The following BRCA2 variants were observed in gnomAD, a reference collection of about 807,000 sequenced individuals.
BRCA2 encodes the protein BRCA2 DNA repair associated.
A neutral mutation model predicts 276.7 loss-of-function variants in BRCA2; 203 were observed. The observed-to-expected ratio is 0.73, with a 90% confidence interval of 0.65 to 0.82. The LOEUF (loss-of-function observed/expected upper bound fraction) is 0.82. BRCA2 is among the 40% of genes least tolerant of loss of function. The pLI is 0.00. For missense variants in BRCA2, 3,920 were observed against 3,915.0 expected, an observed-to-expected ratio of 1.00 and a Z score of -0.03; for synonymous variants, 1,289 against 1,338.4, an observed-to-expected ratio of 0.96 and a Z score of 0.81.
At chr13:32,394,089 C>T (rs183306397) in intron 24 of BRCA2, among the ~76,000 whole-genome samples, 1 of 152,282 alleles carries the variant, frequency 6.6e-6, no homozygotes, top group East Asian at 1.9e-4. Context: ...TTTAACTCAA[C>T]ACTGTCCTGG....
chr13:32,380,772 C>G (rs2072919789), intron 24 of BRCA2, among the ~76,000 whole-genome samples: 1 of 151,774 alleles, frequency 6.6e-6, no homozygotes, highest in South Asian at 2.1e-4. Flanking sequence ...AATCTCCTGA[C>G]CTCGTGATCT....
At position 32,398,954 on chromosome 13, in the gene BRCA2, T is replaced by G. The variant is rs2073060554; in HGVS notation, c.*184T>G. 1.5e-6 allele frequency: 1 copy of G among 686,826 alleles called. No homozygotes were observed. Among genetic ancestry groups the G allele is most frequent in the African/African-American group, 1.8e-5 (1 of 54,920 alleles). 42.5% of individuals were successfully genotyped at this position (686,826 alleles called of 1,614,324 possible). A position where few individuals can be genotyped will look rare whatever the true frequency, so the allele number is the denominator to read the frequency against. ...TTTGCCCGATTCCGTATTGGTATAC[T>G]TTTGCTTCAGTTGCATATCTTAAAA... On this transcript the variant is annotated 3_prime_UTR_variant, in exon 27 of 27. Coordinates refer to ENST00000380152, the MANE Select transcript of BRCA2 (RefSeq NM_000059.4).
intron 16 of BRCA2, among the ~76,000 whole-genome samples, chr13:32,358,704 G>T (rs2072718287): frequency 1.3e-5 from 2 of 151,326 alleles, no homozygotes; most frequent in African/African-American, 4.8e-5. Flanking sequence ...AGGCCAAGAT[G>T]GGCCAATTAC....
intron 21 of BRCA2, among the ~76,000 whole-genome samples, chr13:32,378,508 A>G (rs1263564324): frequency 6.6e-6 from 1 of 152,200 alleles, no homozygotes; most frequent in Non-Finnish European, 1.5e-5. Flanking sequence ...CACTGCCTGC[A>G]TATTTAGAAT....
intron 3 of BRCA2, among the ~76,000 whole-genome samples, chr13:32,322,317 C>G (rs1229598657): frequency 1.3e-5 from 2 of 152,172 alleles, no homozygotes; most frequent in African/African-American, 4.8e-5. Flanking sequence ...GACCCTAACC[C>G]AGCGGCACTA....
At chr13:32,366,393 A>T (rs1375550056) in intron 18 of BRCA2, among the ~76,000 whole-genome samples, 2 of 152,204 alleles carry the variant, frequency 1.3e-5, no homozygotes, top group East Asian at 3.9e-4. Context: ...TATGTGAGTA[A>T]TTATATGATT....
At chr13:32,354,268 A>G (rs182557643) in intron 13 of BRCA2, among the ~76,000 whole-genome samples, 201 of 152,292 alleles carry the variant, frequency 1.3e-3, no homozygotes, top group African/African-American at 4.7e-3. Context: ...TTTATTGAGT[A>G]GAGATTGAGG....
rs551817133 is a variant in BRCA2 at position 32,357,287 on chromosome 13, A to AGTT, written c.7618-455_7618-454insGTT. Among the ~76,000 whole-genome samples the AGTT allele has an allele frequency of 1.1e-4, 17 of 152,344 alleles. 1 individual carries two copies. In the East Asian group the frequency reaches 2.5e-3, roughly 22 times the overall value. On this transcript the variant is annotated intron_variant, in intron 15 of 26. Coordinates refer to ENST00000380152, the MANE Select transcript of BRCA2 (RefSeq NM_000059.4). ...GTCTGACTCCAGAGTCAAACTCTGAACAAACAAAAAGACACTTTGGGTTAG... is the reference window on the plus strand; with the variant it reads ...GTCTGACTCCAGAGTCAAACTCTGAAGTTCAAACAAAAAGACACTTTGGGTTAG...
chr13:32,390,505 G>T lies in BRCA2; in HGVS notation c.9257-4184G>T, dbSNP rs962633326. 3.9e-5 allele frequency among the ~76,000 whole-genome samples: 6 copies of T among 152,170 alleles called. No homozygotes were observed. In the South Asian group the frequency reaches 1.2e-3, roughly 32 times the overall value. On this transcript the variant is annotated intron_variant, in intron 24 of 26. Coordinates refer to ENST00000380152, the MANE Select transcript of BRCA2 (RefSeq NM_000059.4). ...GTACAAGTTCATATTCCTGATGCAT[G>T]ATAACATTTAATGCTTCCTACCTTT... is the stretch of plus-strand genomic sequence containing the variant.
chr13:32,394,890 G>T lies in BRCA2; in HGVS notation c.9458G>T (p.Gly3153Val), dbSNP rs80359220. 2 of 1,613,936 alleles carry T rather than the reference G, an allele frequency of 1.2e-6. No individual in the cohort carries two copies. Among genetic ancestry groups the T allele is most frequent in the Non-Finnish European group, 1.7e-6 (2 of 1,179,986 alleles). ...GTGTTTTCTGCTAGTCCAAAAGAGG[G>T]CCACTTTCAAGAGACATTCAACAAA... ...FSVFSASPKE[G>V]HFQETFNKMK... is the part of the protein sequence containing the mutation. The change falls in exon 25 of 27, where the codon GGC (glycine) becomes GTC (valine). Residue 3153 changes from glycine (G) to valine (V), a missense_variant. By Grantham distance (109) the Gly-to-Val change is moderately radical (BLOSUM62 -3). Transcript: ENST00000380152.
chr13:32,329,907 A>G (rs2072376640), intron 8 of BRCA2, among the ~76,000 whole-genome samples: 1 of 152,252 alleles, frequency 6.6e-6, no homozygotes, highest in African/African-American at 2.4e-5. Context: ...AGAACTAATA[A>G]TAAAATAGGA....
chr13:32,374,904 A>G lies in BRCA2; in HGVS notation c.8633-1766A>G, dbSNP rs573748068. On this transcript the variant is annotated intron_variant, in intron 20 of 26. Coordinates refer to ENST00000380152, the MANE Select transcript of BRCA2 (RefSeq NM_000059.4). ...TGTATTAGTTCATCCTCATACTGCT[A>G]TAAAAAATACCTGAGACTGGGTAAT... is the stretch of plus-strand genomic sequence containing the variant. Among the ~76,000 whole-genome samples the G allele has an allele frequency of 1.1e-4, 16 of 152,368 alleles. No homozygotes were observed. In the South Asian group the frequency reaches 1.7e-3, roughly 16 times the overall value.
intron 20 of BRCA2, among the ~76,000 whole-genome samples, chr13:32,373,984 C>T (rs1463007072): frequency 2.0e-5 from 3 of 152,272 alleles, no homozygotes; most frequent in African/African-American, 7.2e-5. Flanking sequence ...CAGCTGAACT[C>T]TTGTCTTCTA....
chr13:32,337,681 C>T lies in BRCA2; in HGVS notation c.3326C>T (p.Ala1109Val), dbSNP rs41293479. 4.8e-5 allele frequency: 76 copies of T among 1,597,714 alleles called. No homozygotes were observed. Among genetic ancestry groups the T allele is most frequent in the Non-Finnish European group, 6.1e-5 (72 of 1,173,282 alleles). Residue 1109 changes from alanine to valine, a missense_variant, in exon 11 of 27, where the codon GCA becomes GTA. Physicochemically the swap from Ala to Val is moderately conservative, Grantham distance 64 (BLOSUM62 0). Around this residue, in one of 2 missense-constraint regions of BRCA2, gnomAD observed 3,263 missense variants for 3,156.9 expected, o/e 1.03. Transcript: ENST00000380152. ...CATAATTTAACACCTAGCCAAAAGGCAGAAATTACAGAACTTTCTACTATA... is the reference window on the plus strand; with the variant it reads ...CATAATTTAACACCTAGCCAAAAGGTAGAAATTACAGAACTTTCTACTATA... The part of the protein sequence containing the change: ...SNHNLTPSQK[A>V]EITELSTILE...
chr13:32,322,343 C>T (rs2072311431), intron 3 of BRCA2, among the ~76,000 whole-genome samples: 2 of 152,186 alleles, frequency 1.3e-5, no homozygotes, highest in African/African-American at 4.8e-5. Context: ...ATTAAAGGCA[C>T]ACAGAAATAT....
intron 10 of BRCA2, 122 bp from the exon 11 acceptor site, chr13:32,336,143 A>G: frequency 8.9e-7 from 1 of 1,119,376 alleles, no homozygotes; most frequent in Non-Finnish European, 1.3e-6. Flanking sequence ...GCCTCCCAAA[A>G]GTGCTGAGAT....
rs1219265131 is a variant in BRCA2 at position 32,336,568 on chromosome 13, G to A, written c.2213G>A (p.Cys738Tyr). Residue 738 changes from cysteine (C) to tyrosine (Y), a missense_variant, in exon 11 of 27, where the codon TGT (cysteine) becomes TAT (tyrosine). By Grantham distance (194) the Cys-to-Tyr change is radical. Around this residue, in one of 2 missense-constraint regions of BRCA2, gnomAD observed 3,263 missense variants for 3,156.9 expected, o/e 1.03. Coordinates refer to ENST00000380152, the MANE Select transcript of BRCA2 (RefSeq NM_000059.4). ...AAAGAAGAGGTCTTGGCTGCAGCAT[G>A]TCACCCAGTACAACATTCAAAAGTG... ...DIKEEVLAAA[C>Y]HPVQHSKVEY... is the part of the protein sequence containing the mutation. 9 of 1,613,956 alleles carry A rather than the reference G, an allele frequency of 5.6e-6. No individual in the cohort carries two copies. The Admixed American group carries it at 1.3e-4, about 24-fold the overall frequency.
At position 32,380,660 on chromosome 13, in the gene BRCA2, C is replaced by T. The variant is rs190087275; in HGVS notation, c.9256+515C>T. On this transcript the variant is annotated intron_variant, in intron 24 of 26. Coordinates refer to ENST00000380152, the MANE Select transcript of BRCA2 (RefSeq NM_000059.4). Reference sequence around the variant, plus strand: ...GGTTCACACCATTCTCCTGCCTCAGCCTCCCGAGTAGCTGGGACTACATAT... The same window carrying T: ...GGTTCACACCATTCTCCTGCCTCAGTCTCCCGAGTAGCTGGGACTACATAT... Among the ~76,000 whole-genome samples, 161 of 151,660 alleles carry T rather than the reference C, an allele frequency of 1.1e-3. 3 individuals carry two copies. The highest frequency in any genetic ancestry group is 0.011 in the Admixed American group (160 of 15,188).
intron 11 of BRCA2, among the ~76,000 whole-genome samples, chr13:32,343,677 G>T (rs993674907): frequency 3.3e-5 from 5 of 151,502 alleles, no homozygotes; most frequent in Non-Finnish European, 7.4e-5. Context: ...CTGTTCTTGT[G>T]CATACTGAAG....
Sources: gnomAD v4.1 joint callset for allele counts (sites outside exome capture counted in the v4.1 genomes callset) on GRCh38, gnomAD v4.1.1 for gene constraint, gnomAD v4.1.1 regional missense constraint, MANE v1.5 for transcripts, NCBI Gene and HGNC (gene_info 2026-07-23, HGNC 2026-07-21) for gene names.